The following CSMD1 variants were observed in gnomAD, a reference collection of about 807,000 sequenced individuals.
The protein encoded by CSMD1 is CUB and sushi domain-containing protein 1.
Under a neutral mutation model 417.5 loss-of-function variants are expected in CSMD1, and 213 were observed. The ratio of observed to expected loss-of-function variants is 0.51; its 90% CI spans 0.46 to 0.57. The LOEUF (loss-of-function observed/expected upper bound fraction) is 0.57, where lower values mean the gene tolerates loss of function less well. Ranked by LOEUF, CSMD1 falls within the 20% of genes least tolerant of loss-of-function variation. The pLI, the probability that CSMD1 is intolerant of heterozygous loss-of-function variation, is 0.00. For synonymous variants in CSMD1, 2,862 were observed against 1,736.8 expected (o/e 1.65, Z -16.11); for missense variants, 6,923 against 4,529.7 (o/e 1.53, Z -15.17).
intron 5 of CSMD1, among the ~76,000 whole-genome samples, chr8:3,851,586 G>C (rs1472211963): frequency 6.6e-6 from 1 of 152,198 alleles, no homozygotes; most frequent in African/African-American, 2.4e-5. Flanking sequence ...GGCCAAGGGA[G>C]GGCAGGGTTG....
chr8:3,982,163 T>TAATAATAATAAC (rs767285343), intron 5 of CSMD1, among the ~76,000 whole-genome samples: 4 of 74,264 alleles, frequency 5.4e-5, no homozygotes, highest in African/African-American at 2.1e-4. Flanking sequence ...ATCTCAAAAA[T>TAATAATAATAAC]AATAATAATA....
intron 8 of CSMD1, among the ~76,000 whole-genome samples, chr8:3,607,830 G>T (rs1287784172): frequency 2.0e-5 from 3 of 152,150 alleles, no homozygotes; most frequent in Non-Finnish European, 4.4e-5. Flanking sequence ...GGCTGGTGTT[G>T]GTGTGGCAGA....
At chr8:4,112,423 A>G (rs181858229) in intron 3 of CSMD1, among the ~76,000 whole-genome samples, 1 of 152,324 alleles carries the variant, frequency 6.6e-6, no homozygotes, top group Admixed American at 6.5e-5. Context: ...TAAATATTTA[A>G]TAAGTAAAAG....
chr8:3,958,910 T>C (rs989190638), intron 5 of CSMD1, among the ~76,000 whole-genome samples: 4 of 152,218 alleles, frequency 2.6e-5, no homozygotes, highest in Non-Finnish European at 5.9e-5. Flanking sequence ...ACAATTCTAA[T>C]ATACAATCAT....
chr8:4,626,110 T>C (rs1205698426), intron 2 of CSMD1, among the ~76,000 whole-genome samples: 1 of 152,154 alleles, frequency 6.6e-6, no homozygotes, highest in Non-Finnish European at 1.5e-5. Context: ...AAGATTCATG[T>C]ATAGACCATG....
intron 10 of CSMD1, among the ~76,000 whole-genome samples, chr8:3,498,260 T>C (rs1357225063): frequency 6.6e-6 from 1 of 152,224 alleles, no homozygotes; most frequent in African/African-American, 2.4e-5. Context: ...TTTTATTATG[T>C]ATTTATATTG....
chr8:4,854,611 G>A (rs192706328), intron 1 of CSMD1, among the ~76,000 whole-genome samples: 31 of 152,320 alleles, frequency 2.0e-4, no homozygotes, highest in Non-Finnish European at 2.4e-4. Flanking sequence ...GAAGCGGAAG[G>A]GGTCAGGGAG....
At chr8:4,240,452 T>G (rs1802328304) in intron 3 of CSMD1, among the ~76,000 whole-genome samples, 2 of 152,182 alleles carry the variant, frequency 1.3e-5, no homozygotes, top group Admixed American at 1.3e-4. Context: ...TGAACTTATT[T>G]CCACATCTCA....
chr8:3,772,867 G>A (rs571055101), intron 5 of CSMD1, among the ~76,000 whole-genome samples: 1 of 152,030 alleles, frequency 6.6e-6, no homozygotes, highest in East Asian at 1.9e-4. Context: ...CATCCTTAGT[G>A]CATTCAGGGT....
chr8:3,126,719 C>A (rs1725868973), intron 41 of CSMD1, among the ~76,000 whole-genome samples: 1 of 152,218 alleles, frequency 6.6e-6, no homozygotes, highest in Non-Finnish European at 1.5e-5. Context: ...CCTAATTATG[C>A]TCCATTTGTT....
At chr8:4,829,545 C>T (rs1277349882) in intron 1 of CSMD1, among the ~76,000 whole-genome samples, 2 of 151,998 alleles carry the variant, frequency 1.3e-5, no homozygotes, top group Admixed American at 1.3e-4. Flanking sequence ...AGTTCAAGAG[C>T]AGTCTGGGCA....
chr8:4,801,256 A>T (rs952635399), intron 1 of CSMD1, among the ~76,000 whole-genome samples: 2 of 152,176 alleles, frequency 1.3e-5, no homozygotes, highest in Non-Finnish European at 2.9e-5. Flanking sequence ...TGACTTTCTC[A>T]GCATTTTCAG....
chr8:3,864,730 C>G (rs930632756), intron 5 of CSMD1, among the ~76,000 whole-genome samples: 2 of 151,986 alleles, frequency 1.3e-5, no homozygotes, highest in African/African-American at 2.4e-5. Flanking sequence ...TTCCACACTC[C>G]CCTCCTCTCC....
intron 3 of CSMD1, among the ~76,000 whole-genome samples, chr8:4,151,652 T>G (rs1183112555): frequency 6.6e-6 from 1 of 152,176 alleles, no homozygotes; most frequent in Non-Finnish European, 1.5e-5. Context: ...TGTGGCATCA[T>G]TATTATTATG....
intron 5 of CSMD1, among the ~76,000 whole-genome samples, chr8:3,951,513 C>A (rs771106555): frequency 2.6e-5 from 4 of 151,998 alleles, no homozygotes; most frequent in Admixed American, 1.3e-4. Context: ...ACCTGAGCCC[C>A]AGAAATTAAC....
At chr8:4,200,013 G>A (rs1038333020) in intron 3 of CSMD1, among the ~76,000 whole-genome samples, 28 of 152,160 alleles carry the variant, frequency 1.8e-4, no homozygotes, top group Admixed American at 1.6e-3. Flanking sequence ...CCCTGGACTT[G>A]TTGAAAATTA....
At chr8:3,378,776 C>A (rs778675040) in intron 18 of CSMD1, among the ~76,000 whole-genome samples, 15 of 152,250 alleles carry the variant, frequency 9.9e-5, no homozygotes, top group Non-Finnish European at 1.9e-4. Context: ...TATGACAAAC[C>A]CACAGCCAAT....
chr8:4,767,757 C>T (rs1812563731), intron 1 of CSMD1, among the ~76,000 whole-genome samples: 1 of 152,096 alleles, frequency 6.6e-6, no homozygotes, highest in Non-Finnish European at 1.5e-5. Flanking sequence ...TTTATTTATC[C>T]TTTGTGCAAT....
intron 36 of CSMD1, 147 bp from the exon 37 acceptor site, chr8:3,181,361 T>C (rs1449826075): frequency 3.1e-6 from 2 of 638,260 alleles, no homozygotes; most frequent in Admixed American, 2.8e-5. Context: ...GGTTTTATTA[T>C]GTATTCAGCC....
Sources: allele counts gnomAD v4.1 joint callset (sites outside exome capture counted in the v4.1 genomes callset), GRCh38; gene constraint gnomAD v4.1.1; transcripts MANE v1.5; gene names NCBI Gene and HGNC (gene_info 2026-07-23, HGNC 2026-07-21).